The following GRM7 variants were observed in gnomAD, a reference collection of about 807,000 sequenced individuals.
GRM7 encodes the protein glutamate metabotropic receptor 7, also known as metabotropic glutamate receptor 7.
A neutral mutation model predicts 84.5 loss-of-function variants in GRM7; 35 were observed. That is an observed-to-expected ratio of 0.41 (90% CI 0.32 to 0.55). The LOEUF (loss-of-function observed/expected upper bound fraction) is 0.55, where lower values mean the gene tolerates loss of function less well. GRM7 is among the 20% of genes least tolerant of loss of function. The probability of loss-of-function intolerance (pLI) is 0.19; values close to 1 mark genes in which losing one functional copy is unlikely to be tolerated. For missense variants in GRM7, 1,003 were observed against 1,194.6 expected, an observed-to-expected ratio of 0.84 and a Z score of 2.36; for synonymous variants, 487 against 455.1, an observed-to-expected ratio of 1.07 and a Z score of -0.89.
At chr3:7,487,980 G>A (rs979377412) in intron 7 of GRM7, among the ~76,000 whole-genome samples, 1 of 152,060 alleles carries the variant, frequency 6.6e-6, no homozygotes, top group Non-Finnish European at 1.5e-5. Flanking sequence ...CTGATTCCTA[G>A]GGGATCCACA....
At chr3:7,528,496 A>AT (rs1294459190) in intron 7 of GRM7, among the ~76,000 whole-genome samples, 1 of 151,820 alleles carries the variant, frequency 6.6e-6, no homozygotes, top group Non-Finnish European at 1.5e-5. Context: ...CCTATGTATG[A>AT]TTTTTGGGGT....
rs556845866 is a variant in GRM7, at chr3:7,356,613, G to T, written c.1033+49961G>T. 2.0e-5 allele frequency among the ~76,000 whole-genome samples: 3 copies of T among 152,134 alleles called. No homozygotes were observed. In the South Asian group the frequency reaches 6.2e-4, roughly 32 times the overall value. ...CCACCACTCCCGGCCAGCAGAGGAA[G>T]ATTTTAATAATCAAGTAGATAGGCT... On this transcript the variant is annotated intron_variant, in intron 4 of 9. Coordinates refer to ENST00000357716, the MANE Select transcript of GRM7 (RefSeq NM_000844.4).
chr3:6,897,178 G>C (rs774633371), intron 1 of GRM7, among the ~76,000 whole-genome samples: 8 of 152,138 alleles, frequency 5.3e-5, no homozygotes, highest in Non-Finnish European at 1.0e-4. Flanking sequence ...AACCCTAAAA[G>C]TTCTGTACCT....
intron 1 of GRM7, among the ~76,000 whole-genome samples, chr3:7,086,173 A>C (rs1698453411): frequency 6.6e-6 from 1 of 152,100 alleles, no homozygotes; most frequent in Non-Finnish European, 1.5e-5. Context: ...CGTTCACTGG[A>C]GCTATATTGA....
At chr3:7,104,898 CAATATAATACAATATAATACA>C (rs1177486793) in intron 1 of GRM7, among the ~76,000 whole-genome samples, 1 of 151,628 alleles carries the variant, frequency 6.6e-6, no homozygotes, top group Non-Finnish European at 1.5e-5. Context: ...GAATGTTAAT[CAATATAATACAATATAATACA>C]AAATATATAG....
chr3:7,341,792 A>T (rs1442805742), intron 4 of GRM7, among the ~76,000 whole-genome samples: 1 of 152,088 alleles, frequency 6.6e-6, no homozygotes, highest in Non-Finnish European at 1.5e-5. Flanking sequence ...CACATTAAAG[A>T]ACCTAAAACT....
At chr3:7,359,092 A>ACTCAGTCCACGCC (rs1693542995) in intron 4 of GRM7, among the ~76,000 whole-genome samples, 6 of 139,792 alleles carry the variant, frequency 4.3e-5, no homozygotes, top group Non-Finnish European at 6.1e-5. Context: ...AGCCTGAGTG[A>ACTCAGTCCACGCC]TAGAGTGAGA....
chr3:7,545,991 G>A (rs1353525680), intron 7 of GRM7, among the ~76,000 whole-genome samples: 2 of 152,118 alleles, frequency 1.3e-5, no homozygotes, highest in Non-Finnish European at 2.9e-5. Context: ...ATTAAATACA[G>A]TATATAAATT....
At chr3:7,298,507 A>G in intron 2 of GRM7, 177 bp from the exon 3 acceptor site, 1 of 574,826 alleles carries the variant, frequency 1.7e-6, no homozygotes. Context: ...AAAGTGCATT[A>G]GGTATGAACA....
chr3:6,927,321 G>A (rs998688353), intron 1 of GRM7, among the ~76,000 whole-genome samples: 16 of 152,024 alleles, frequency 1.1e-4, no homozygotes, highest in South Asian at 6.2e-4. Flanking sequence ...CCAGCTATTC[G>A]GGAGGCTGAG....
chr3:6,862,052 C>T lies in GRM7; in HGVS notation c.519+145C>T. The T allele has an allele frequency of 1.5e-6, 1 of 654,222 alleles. No homozygotes were observed. Among genetic ancestry groups the T allele is most frequent in the Non-Finnish European group, 2.6e-6 (1 of 384,018 alleles). 40.5% of individuals were successfully genotyped at this position (654,222 alleles called of 1,614,324 possible). A position where few individuals can be genotyped will look rare whatever the true frequency, so the allele number is the denominator to read the frequency against. ...AGATCCTGCCGAATCCCTCCCACCC[C>T]GCTCGAGGAGATACCTTCCCTGCTT... is the stretch of plus-strand genomic sequence containing the variant. On this transcript the variant is annotated intron_variant, in intron 1 of 9. Coordinates refer to ENST00000357716, the MANE Select transcript of GRM7 (RefSeq NM_000844.4). The surrounding 1 kb of genome is among the most constrained non-coding windows in gnomAD (Gnocchi z 5.2).
At chr3:7,560,982 T>C (rs1432912045) in intron 7 of GRM7, among the ~76,000 whole-genome samples, 2 of 152,174 alleles carry the variant, frequency 1.3e-5, no homozygotes, top group Non-Finnish European at 2.9e-5. Flanking sequence ...AGATGGCAGA[T>C]AGCCCTTGAA....
At chr3:7,246,327 T>A (rs2124930149) in intron 2 of GRM7, among the ~76,000 whole-genome samples, 2 of 152,226 alleles carry the variant, frequency 1.3e-5, no homozygotes, top group South Asian at 4.1e-4. Context: ...AGCCTTAAAT[T>A]TAGGCTTTCC....
At chr3:7,634,819 G>A (rs1049741925) in intron 8 of GRM7, among the ~76,000 whole-genome samples, 16 of 151,180 alleles carry the variant, frequency 1.1e-4, no homozygotes, top group African/African-American at 3.9e-4. Context: ...AAAAGAAAAA[G>A]AAAAAAGAAA....
intron 2 of GRM7, among the ~76,000 whole-genome samples, chr3:7,270,177 A>C (rs1698800958): frequency 1.3e-5 from 2 of 152,198 alleles, no homozygotes; most frequent in Admixed American, 1.3e-4. Context: ...AAATCTTAGC[A>C]TGTCGTCATT....
chr3:7,297,307 T>C (rs1247145007), intron 2 of GRM7, among the ~76,000 whole-genome samples: 1 of 152,212 alleles, frequency 6.6e-6, no homozygotes, highest in Non-Finnish European at 1.5e-5. Context: ...GATATTTTTA[T>C]CTTTCTGTCA....
chr3:7,424,951 T>C (rs531384652), intron 5 of GRM7, among the ~76,000 whole-genome samples: 2 of 152,332 alleles, frequency 1.3e-5, no homozygotes, highest in East Asian at 3.9e-4. Context: ...ATTTCCATTA[T>C]ACACGTGATG....
chr3:7,244,692 A>G (rs1186865400), intron 2 of GRM7, among the ~76,000 whole-genome samples: 1 of 152,132 alleles, frequency 6.6e-6, no homozygotes. Context: ...CACTGCTAGA[A>G]CAAAACAATA....
At chr3:7,180,109 T>C (rs1345242937) in intron 2 of GRM7, among the ~76,000 whole-genome samples, 4 of 152,192 alleles carry the variant, frequency 2.6e-5, no homozygotes, top group African/African-American at 9.7e-5. Context: ...AAAGTGATGA[T>C]ATAGAAACAG....
Sources: allele counts gnomAD v4.1 joint callset (sites outside exome capture counted in the v4.1 genomes callset), GRCh38; gene constraint gnomAD v4.1.1; non-coding constraint Gnocchi (gnomAD v3.1); transcripts MANE v1.5; gene names NCBI Gene and HGNC (gene_info 2026-07-23, HGNC 2026-07-21).